Variants in NR6A1 observed in about 807,000 individuals in gnomAD.
The protein encoded by NR6A1 is nuclear receptor subfamily 6 group A member 1, also known as retinoic acid receptor-related testis-associated receptor.
In NR6A1, 7 loss-of-function variants were observed where a neutral mutation model predicts 59.1. That is an observed-to-expected ratio of 0.12 (90% CI 0.07 to 0.22). NR6A1 has a LOEUF of 0.22. Among genes scored for constraint, NR6A1 ranks in the 10% least tolerant of loss-of-function variants. NR6A1 has a pLI of 1.00. For missense variants in NR6A1, 468 were observed against 611.6 expected (o/e 0.77, Z 2.48); for synonymous variants, 243 against 236.1 (o/e 1.03, Z -0.27).
At chr9:124,662,401 T>G (rs1162242790) in intron 2 of NR6A1, among the ~76,000 whole-genome samples, 1 of 152,200 alleles carries the variant, frequency 6.6e-6, no homozygotes, top group Non-Finnish European at 1.5e-5. Context: ...CAAATTAATT[T>G]ACCCCTCTGA....
intron 2 of NR6A1, among the ~76,000 whole-genome samples, chr9:124,556,867 C>CTT (rs34247254): frequency 1.3e-4 from 19 of 143,640 alleles, no homozygotes; most frequent in Admixed American, 1.1e-3. Flanking sequence ...ACTAATATAC[C>CTT]TTTTTTTTTT....
rs530061096 is a variant in NR6A1, at chr9:124,575,346, G to A, written c.143-20776C>T. Among the ~76,000 whole-genome samples, 7 of 152,306 alleles carry A rather than the reference G, an allele frequency of 4.6e-5. 1 individual carries two copies. In the South Asian group the frequency reaches 1.4e-3, roughly 32 times the overall value. Reference sequence around the variant, plus strand: ...CCTAGCACTTTGGGAGGCTAAGGCGGGCAGACTGTCTGAGCTCAGGAGTTC... The same window carrying A: ...CCTAGCACTTTGGGAGGCTAAGGCGAGCAGACTGTCTGAGCTCAGGAGTTC... On this transcript the variant is annotated intron_variant, in intron 2 of 9. Transcript: ENST00000487099.
chr9:124,538,209 G>A lies in NR6A1; in HGVS notation c.707C>T (p.Ser236Leu). Residue 236 changes from serine to leucine, a missense_variant, in exon 6 of 10, where the codon TCA (serine) becomes TTA (leucine). Ser to Leu is a moderately radical substitution (Grantham distance 145, BLOSUM62 -2). Transcript: ENST00000487099. ...IPHLFSYSGHSPLLPQQARSL... is the reference protein window; with the variant it reads ...IPHLFSYSGHLPLLPQQARSL... ...GCGAGCTTGTTGGGGCAGAAGTGGT[G>A]AGTGGCCAGAATAGCTAAAAAGGTG... The A allele has an allele frequency of 6.2e-7, 1 of 1,614,208 alleles. No individual in the cohort carries two copies. Among genetic ancestry groups the A allele is most frequent in the Non-Finnish European group, 8.5e-7 (1 of 1,180,042 alleles).
intron 1 of NR6A1, among the ~76,000 whole-genome samples, chr9:124,757,759 G>T (rs1212373998): frequency 6.6e-6 from 1 of 152,148 alleles, no homozygotes; most frequent in African/African-American, 2.4e-5. Context: ...TTCCAACTGT[G>T]TTTCCCAGGG....
At chr9:124,768,075 T>C (rs1191438336) in intron 1 of NR6A1, among the ~76,000 whole-genome samples, 1 of 152,146 alleles carries the variant, frequency 6.6e-6, no homozygotes, top group Non-Finnish European at 1.5e-5. Flanking sequence ...TGATGGTGCA[T>C]CAAAAGGCTA....
intron 2 of NR6A1, among the ~76,000 whole-genome samples, chr9:124,636,357 G>C (rs1836611640): frequency 6.6e-6 from 1 of 152,164 alleles, no homozygotes; most frequent in Non-Finnish European, 1.5e-5. Flanking sequence ...CCCCCAGTCT[G>C]TGGCTTGTTT....
intron 2 of NR6A1, among the ~76,000 whole-genome samples, chr9:124,561,834 C>T (rs1228021230): frequency 6.6e-6 from 1 of 152,134 alleles, no homozygotes; most frequent in Non-Finnish European, 1.5e-5. Context: ...ATTGCTTGAA[C>T]CCAGGAGGTA....
At chr9:124,587,878 T>G (rs1405733845) in intron 2 of NR6A1, among the ~76,000 whole-genome samples, 1 of 152,114 alleles carries the variant, frequency 6.6e-6, no homozygotes, top group Non-Finnish European at 1.5e-5. Flanking sequence ...AATTCCCCCC[T>G]CCCTACCAAC....
intron 2 of NR6A1, among the ~76,000 whole-genome samples, chr9:124,695,618 C>G (rs918053915): frequency 6.6e-6 from 1 of 152,158 alleles, no homozygotes; most frequent in African/African-American, 2.4e-5. Flanking sequence ...GATCCGCCCG[C>G]CTCGGCCGCC....
intron 2 of NR6A1, among the ~76,000 whole-genome samples, chr9:124,680,090 ATGTG>A (rs57251719): frequency 0.059 from 8,450 of 143,150 alleles, 641 homozygotes; most frequent in African/African-American, 0.19. Flanking sequence ...GTGTGTATGT[ATGTG>A]TGTGTGTGTG....
chr9:124,543,902 A>C, intron 3 of NR6A1, 45 bp from the exon 4 acceptor site: 1 of 1,542,594 alleles, frequency 6.5e-7, no homozygotes, highest in Non-Finnish European at 9.0e-7. Context: ...AAGCACACTC[A>C]TATAAGTCTT....
chr9:124,706,678 C>T (rs1238678334), intron 2 of NR6A1, among the ~76,000 whole-genome samples: 1 of 152,092 alleles, frequency 6.6e-6, no homozygotes, highest in African/African-American at 2.4e-5. Context: ...GCCACCACAC[C>T]AGCTAATTTT....
intron 2 of NR6A1, among the ~76,000 whole-genome samples, chr9:124,722,629 G>T (rs955081690): frequency 2.6e-5 from 4 of 152,034 alleles, no homozygotes; most frequent in African/African-American, 9.7e-5. Context: ...TTTTTATCTT[G>T]TTTTTTTCAT....
intron 1 of NR6A1, among the ~76,000 whole-genome samples, chr9:124,744,870 C>T (rs964667246): frequency 1.3e-5 from 2 of 152,182 alleles, no homozygotes; most frequent in Non-Finnish European, 2.9e-5. Flanking sequence ...GCCAGCTCTG[C>T]TCAGGAAATC....
intron 2 of NR6A1, among the ~76,000 whole-genome samples, chr9:124,723,678 A>G (rs1268651966): frequency 6.6e-6 from 1 of 152,272 alleles, no homozygotes; most frequent in Non-Finnish European, 1.5e-5. Context: ...AGCCTAGAAC[A>G]GTATACACTT....
intron 2 of NR6A1, among the ~76,000 whole-genome samples, chr9:124,588,813 G>A (rs1178259904): frequency 6.7e-6 from 1 of 150,000 alleles, no homozygotes; most frequent in African/African-American, 2.4e-5. Flanking sequence ...CCAGCTACTC[G>A]GGAGGCTGAG....
intron 2 of NR6A1, among the ~76,000 whole-genome samples, chr9:124,730,482 G>A (rs905878252): frequency 1.3e-5 from 2 of 151,254 alleles, no homozygotes; most frequent in East Asian, 3.9e-4. Context: ...TGATCCTCCC[G>A]CTTTGGCCTC....
At chr9:124,556,174 T>C (rs1833919004) in intron 2 of NR6A1, among the ~76,000 whole-genome samples, 1 of 152,246 alleles carries the variant, frequency 6.6e-6, no homozygotes, top group African/African-American at 2.4e-5. Context: ...GAATTAAGAA[T>C]CTTGCGGTAG....
rs551043751 is a variant in NR6A1 at position 124,598,343 on chromosome 9, T to C, written c.143-43773A>G. Among the ~76,000 whole-genome samples, 6 of 146,602 alleles carry C rather than the reference T, an allele frequency of 4.1e-5. No individual in the cohort carries two copies. In the East Asian group the frequency reaches 1.2e-3, roughly 29 times the overall value. On this transcript the variant is annotated intron_variant, in intron 2 of 9. Transcript: ENST00000487099. ...CAGCTTGGGCAACAGAGTGACCTCGTCCCTACTTAAAAAAAAAAAAAAGAA... is the reference window on the plus strand; with the variant it reads ...CAGCTTGGGCAACAGAGTGACCTCGCCCCTACTTAAAAAAAAAAAAAAGAA...
Sources: gnomAD v4.1 joint callset for allele counts (sites outside exome capture counted in the v4.1 genomes callset) on GRCh38, gnomAD v4.1.1 for gene constraint, MANE v1.5 for transcripts, NCBI Gene and HGNC (gene_info 2026-07-23, HGNC 2026-07-21) for gene names.